MACROD2: variants seen among roughly 807,000 people sequenced by gnomAD.
MACROD2 encodes the protein ADP-ribose glycohydrolase MACROD2.
Under a neutral mutation model 70.4 loss-of-function variants are expected in MACROD2, and 36 were observed. That is an observed-to-expected ratio of 0.51 (90% CI 0.39 to 0.68). The LOEUF (loss-of-function observed/expected upper bound fraction) is 0.68. MACROD2 is among the 30% of genes least tolerant of loss of function. The probability of loss-of-function intolerance (pLI) is 0.00; values close to 1 mark genes in which losing one functional copy is unlikely to be tolerated. For missense variants in MACROD2, 496 were observed against 538.4 expected (o/e 0.92, Z 0.78); for synonymous variants, 172 against 178.8 (o/e 0.96, Z 0.30).
intron 5 of MACROD2, among the ~76,000 whole-genome samples, chr20:14,742,537 A>C (rs2071745425): frequency 6.6e-6 from 1 of 151,920 alleles, no homozygotes; most frequent in Admixed American, 6.6e-5. Flanking sequence ...GTTACTTCTA[A>C]GTATGTTCCT....
At chr20:15,252,272 A>G (rs1311349893) in intron 6 of MACROD2, among the ~76,000 whole-genome samples, 2 of 152,224 alleles carry the variant, frequency 1.3e-5, no homozygotes, top group East Asian at 1.9e-4. Flanking sequence ...AGTGTTTGAG[A>G]TGTAGAAGGA....
At chr20:14,355,369 T>G (rs891407446) in intron 3 of MACROD2, among the ~76,000 whole-genome samples, 1 of 152,200 alleles carries the variant, frequency 6.6e-6, no homozygotes, top group Non-Finnish European at 1.5e-5. Context: ...TTTCTGGAAA[T>G]ATGTTGCAAA....
At chr20:14,217,962 C>T (rs549438732) in intron 3 of MACROD2, among the ~76,000 whole-genome samples, 3 of 152,186 alleles carry the variant, frequency 2.0e-5, no homozygotes, top group East Asian at 1.9e-4. Context: ...GAAAGTTCCA[C>T]GCGCTGTTGA....
intron 6 of MACROD2, among the ~76,000 whole-genome samples, chr20:15,422,311 C>T (rs727245): frequency 0.65 from 98,064 of 151,960 alleles, 32,445 homozygotes; most frequent in African/African-American, 0.76. Context: ...GTGTTCTCAG[C>T]GAATTAGAGG....
At chr20:15,093,734 G>A (rs1195196284) in intron 5 of MACROD2, among the ~76,000 whole-genome samples, 1 of 152,074 alleles carries the variant, frequency 6.6e-6, no homozygotes, top group Admixed American at 6.6e-5. Context: ...TTCTAAGAGA[G>A]GGATATAGGA....
At chr20:14,741,870 T>G (rs966266029) in intron 5 of MACROD2, among the ~76,000 whole-genome samples, 3 of 152,080 alleles carry the variant, frequency 2.0e-5, no homozygotes, top group African/African-American at 7.2e-5. Context: ...GTTTGAAAAC[T>G]TTTTTTAGGC....
intron 2 of MACROD2, among the ~76,000 whole-genome samples, chr20:14,083,792 G>T (rs1038121112): frequency 6.6e-6 from 1 of 151,482 alleles, no homozygotes; most frequent in African/African-American, 2.4e-5. Flanking sequence ...GAATACTTCT[G>T]GGAGAGGCCC....
chr20:14,927,839 C>G (rs572468676), intron 5 of MACROD2, among the ~76,000 whole-genome samples: 1 of 152,176 alleles, frequency 6.6e-6, no homozygotes, highest in Non-Finnish European at 1.5e-5. Flanking sequence ...ATGTAAAAAA[C>G]AACAACGACA....
chr20:15,544,576 G>A (rs568321134), intron 8 of MACROD2, among the ~76,000 whole-genome samples: 1 of 152,172 alleles, frequency 6.6e-6, no homozygotes, highest in Non-Finnish European at 1.5e-5. Context: ...GAATCTCAAT[G>A]TGAATTTGGT....
intron 3 of MACROD2, among the ~76,000 whole-genome samples, chr20:14,187,001 T>C (rs1284943375): frequency 2.0e-5 from 3 of 152,082 alleles, no homozygotes; most frequent in Non-Finnish European, 4.4e-5. Context: ...ACCGGAAGGG[T>C]ACTGTGTTTA....
chr20:14,486,158 A>G (rs891895911), intron 3 of MACROD2, among the ~76,000 whole-genome samples: 9 of 152,148 alleles, frequency 5.9e-5, no homozygotes, highest in African/African-American at 2.2e-4. Context: ...CACCAACAGC[A>G]CAGCTGTTGC....
At chr20:15,663,573 T>C (rs79942605) in intron 8 of MACROD2, among the ~76,000 whole-genome samples, 3,504 of 151,900 alleles carry the variant, frequency 0.023, 244 homozygotes, top group East Asian at 0.14. Context: ...TTGGCCACTA[T>C]TTCAAAACTT....
intron 3 of MACROD2, among the ~76,000 whole-genome samples, chr20:14,400,570 T>C (rs2083627178): frequency 2.6e-5 from 4 of 152,312 alleles, no homozygotes; most frequent in Admixed American, 2.6e-4. Context: ...CTGGGTGCCA[T>C]ACTCCATTTC....
intron 7 of MACROD2, among the ~76,000 whole-genome samples, chr20:15,452,364 C>T (rs1016928345): frequency 6.6e-6 from 1 of 152,006 alleles, no homozygotes; most frequent in Admixed American, 6.6e-5. Context: ...TGACAGTAAA[C>T]AGTGGGATAA....
chr20:14,935,281 C>T (rs2074331426), intron 5 of MACROD2: 1 of 152,114 alleles, frequency 6.6e-6, no homozygotes, highest in African/African-American at 2.4e-5. Flanking sequence ...TGGCACATTG[C>T]TCAAGCCTGT....
intron 8 of MACROD2, among the ~76,000 whole-genome samples, chr20:15,579,521 G>A (rs753200231): frequency 3.3e-5 from 5 of 152,224 alleles, no homozygotes; most frequent in Non-Finnish European, 7.3e-5. Flanking sequence ...GAAGCTTGCT[G>A]TTTGGTACAG....
Position 14,295,971 on chromosome 20 carries a change from T to G in MACROD2, c.272-197508T>G, listed in dbSNP as rs2082424065. Among the ~76,000 whole-genome samples the G allele has an allele frequency of 2.0e-5, 3 of 151,894 alleles. No homozygotes were observed. In the South Asian group the frequency reaches 6.2e-4, roughly 31 times the overall value. Reference sequence around the variant, plus strand: ...TGGCCTGTCAATTACTCAGGCTGATTCTACTTGCACATCAATAGAGTAGTT... The same window carrying G: ...TGGCCTGTCAATTACTCAGGCTGATGCTACTTGCACATCAATAGAGTAGTT... On this transcript the variant is annotated intron_variant, in intron 3 of 17. Coordinates refer to ENST00000684519, the MANE Select transcript of MACROD2 (RefSeq NM_001351661.2).
intron 5 of MACROD2, among the ~76,000 whole-genome samples, chr20:15,229,107 T>C (rs75907319): frequency 0.081 from 12,369 of 152,226 alleles, 659 homozygotes; most frequent in Admixed American, 0.11. Flanking sequence ...GGGTTTTTCT[T>C]CTGCTCTTTC....
At chr20:15,308,266 A>G (rs2077717134) in intron 6 of MACROD2, among the ~76,000 whole-genome samples, 1 of 152,156 alleles carries the variant, frequency 6.6e-6, no homozygotes, top group East Asian at 1.9e-4. Flanking sequence ...CTTATGTGAA[A>G]CATTATTTCT....
Sources: allele counts gnomAD v4.1 joint callset (sites outside exome capture counted in the v4.1 genomes callset), GRCh38; gene constraint gnomAD v4.1.1; transcripts MANE v1.5; gene names NCBI Gene and HGNC (gene_info 2026-07-23, HGNC 2026-07-21).